WAPL: variants seen among roughly 807,000 people sequenced by gnomAD.
WAPL encodes the protein WAPL cohesin release factor.
WAPL carries 5 observed loss-of-function variants against 121.0 expected under a neutral mutation model. That is an observed-to-expected ratio of 0.04 (90% CI 0.02 to 0.09). The LOEUF is 0.09. Among genes scored for constraint, WAPL ranks in the 10% least tolerant of loss-of-function variants. The pLI, the probability that WAPL is intolerant of heterozygous loss-of-function variation, is 1.00. For missense variants in WAPL, 999 were observed against 1,410.8 expected, an observed-to-expected ratio of 0.71 and a Z score of 4.68; for synonymous variants, 480 against 481.5, an observed-to-expected ratio of 1.00 and a Z score of 0.04.
In WAPL at chr10:86,472,737, G is replaced by T. The variant is rs756172650; in HGVS notation, c.1768C>A (p.Gln590Lys). 149 of 1,613,024 alleles carry T rather than the reference G, an allele frequency of 9.2e-5. 1 individual carries two copies. The East Asian group carries it at 3.2e-3, about 34-fold the overall frequency. Residue 590 changes from glutamine (Q) to lysine (K), a missense_variant, in exon 6 of 19, where the codon CAA becomes AAA. Coordinates refer to ENST00000298767, the MANE Select transcript of WAPL (RefSeq NM_015045.5). This position sits in a 1 kb window ranked among gnomAD's most constrained non-coding sequence, Gnocchi z 4.2. ...TVRLSSKEPN[Q>K]KDDGVFKAPA... ...GCCTTAAAAACTCCATCATCTTTTT[G>T]ATTTGGTTCCTTTGAAGACAGCCTC...
intron 3 of WAPL, among the ~76,000 whole-genome samples, chr10:86,499,303 G>A (rs984957705): frequency 4.6e-5 from 7 of 152,106 alleles, no homozygotes. Flanking sequence ...AATATAACAA[G>A]CTAAACTTGA....
rs1246369692 is a variant in WAPL at position 86,490,998 on chromosome 10, G to A, written c.1644+6203C>T. On this transcript the variant is annotated intron_variant, in intron 4 of 18. Coordinates refer to ENST00000298767, the MANE Select transcript of WAPL (RefSeq NM_015045.5). ...GAAGCACTTGAACCCAGGAGGCGGA[G>A]GTTGCAGTGAGCCGAGATCATGCCA... 2.0e-5 allele frequency among the ~76,000 whole-genome samples: 3 copies of A among 151,682 alleles called. No individual in the cohort carries two copies. In the East Asian group the frequency reaches 5.9e-4, roughly 30 times the overall value.
chr10:86,516,864 C>A (rs1842564584), intron 2 of WAPL, among the ~76,000 whole-genome samples: 1 of 152,072 alleles, frequency 6.6e-6, no homozygotes, highest in Non-Finnish European at 1.5e-5. Context: ...GCGGGCAGAT[C>A]ACGAGGTCAG....
At chr10:86,508,332 T>C in intron 2 of WAPL, among the ~76,000 whole-genome samples, 1 of 152,158 alleles carries the variant, frequency 6.6e-6, no homozygotes, top group Non-Finnish European at 1.5e-5. Flanking sequence ...GTCCTCCCAC[T>C]AAGCTCATCT....
At chr10:86,507,693 T>A (rs894456735) in intron 2 of WAPL, among the ~76,000 whole-genome samples, 2 of 151,646 alleles carry the variant, frequency 1.3e-5, no homozygotes, top group African/African-American at 4.9e-5. Context: ...CTTCACTTCA[T>A]AAACATTAAA....
At chr10:86,454,529 C>T (rs939315735) in intron 12 of WAPL, among the ~76,000 whole-genome samples, 4 of 152,238 alleles carry the variant, frequency 2.6e-5, no homozygotes, top group African/African-American at 7.2e-5. Context: ...AGGCGGGCGC[C>T]GCCACACCTG....
At chr10:86,475,172 A>G (rs1484035199) in intron 4 of WAPL, among the ~76,000 whole-genome samples, 1 of 152,252 alleles carries the variant, frequency 6.6e-6, no homozygotes, top group Non-Finnish European at 1.5e-5. Flanking sequence ...AACCTACAAA[A>G]TCAAATCAAG....
chr10:86,435,798 G>C lies in WAPL; in HGVS notation c.*1745C>G, dbSNP rs1849306188. ...TTCCTTACCATCTGCCACAAGTCAGGTTCACCAAAAATCTGTCCCTTTCCC... is the reference window on the plus strand; with the variant it reads ...TTCCTTACCATCTGCCACAAGTCAGCTTCACCAAAAATCTGTCCCTTTCCC... On this transcript the variant is annotated 3_prime_UTR_variant, in exon 19 of 19. Transcript: ENST00000298767. The C allele has an allele frequency of 6.6e-6, 1 of 152,146 alleles. No individual in the cohort carries two copies. The highest frequency in any genetic ancestry group is 2.4e-5 in the African/African-American group (1 of 41,386). 9.4% of individuals were successfully genotyped at this position (152,146 alleles called of 1,614,324 possible).
chr10:86,477,982 G>C lies in WAPL; in HGVS notation c.1645-4009C>G, dbSNP rs531165385. ...AGGCAGGAGAATTGCTTGAACCCGG[G>C]AGGCGGAGGTTGCAGTGAACTGAGA... On this transcript the variant is annotated intron_variant, in intron 4 of 18. Transcript: ENST00000298767. Among the ~76,000 whole-genome samples the C allele has an allele frequency of 5.3e-5, 8 of 151,500 alleles. No homozygotes were observed. The East Asian group carries it at 1.6e-3, about 30-fold the overall frequency.
rs1308401796 is a variant in WAPL at position 86,521,593 on chromosome 10, C to T, written c.-251G>A. The T allele has an allele frequency of 2.2e-6, 1 of 452,574 alleles. No homozygotes were observed. The highest frequency in any genetic ancestry group is 2.4e-5 in the Admixed American group (1 of 40,840). The allele number at this position is 452,574 out of a possible 1,614,324, so 28.0% of individuals were successfully genotyped here. On this transcript the variant is annotated 5_prime_UTR_variant, in exon 1 of 19. It removes the in-frame stop codon of an upstream open reading frame in the 5' UTR. Coordinates refer to ENST00000298767, the MANE Select transcript of WAPL (RefSeq NM_015045.5). ...CGAGCGCCGCCGGCCGGGCCCAGGCCTAGCTCTCGCTGGCCGCCACTGCTG... is the reference window on the plus strand; with the variant it reads ...CGAGCGCCGCCGGCCGGGCCCAGGCTTAGCTCTCGCTGGCCGCCACTGCTG...
intron 1 of WAPL, among the ~76,000 whole-genome samples, chr10:86,520,379 A>G (rs897889674): frequency 6.6e-6 from 1 of 152,246 alleles, no homozygotes; most frequent in Non-Finnish European, 1.5e-5. Flanking sequence ...CTGATGAAAT[A>G]ACGTCAGCGA....
intron 16 of WAPL, among the ~76,000 whole-genome samples, chr10:86,445,409 A>G (rs761144525): frequency 6.6e-6 from 1 of 152,364 alleles, no homozygotes; most frequent in Middle Eastern, 3.4e-3. Flanking sequence ...CCTTAGTGAT[A>G]CAAAGTTACA....
chr10:86,515,738 C>T (rs774261583), intron 2 of WAPL, among the ~76,000 whole-genome samples: 5 of 151,756 alleles, frequency 3.3e-5, no homozygotes, highest in African/African-American at 2.4e-5. Flanking sequence ...GGCAAGACTG[C>T]GCCACTGTAC....
intron 4 of WAPL, among the ~76,000 whole-genome samples, chr10:86,493,069 A>G (rs1384254769): frequency 1.3e-5 from 2 of 152,060 alleles, no homozygotes; most frequent in African/African-American, 4.8e-5. Context: ...TCAAAAAAAA[A>G]AAAAAAATTC....
chr10:86,517,942 T>C lies in WAPL; in HGVS notation c.128A>G (p.Lys43Arg). The change falls in exon 2 of 19, where the codon AAA (lysine) becomes AGA (arginine). Residue 43 changes from lysine to arginine, a missense_variant. Lys to Arg is a conservative substitution (Grantham distance 26). Transcript: ENST00000298767. ...TKWGETTFMAKLGQKRPNFKP... is the reference protein window; with the variant it reads ...TKWGETTFMARLGQKRPNFKP... ...GAAATTGGGCCTCTTCTGCCCTAAT[T>C]TAGCCATAAATGTGGTCTCTCCCCA... The C allele has an allele frequency of 6.2e-7, 1 of 1,614,212 alleles. No homozygotes were observed. Among genetic ancestry groups the C allele is most frequent in the African/African-American group, 1.3e-5 (1 of 75,068 alleles).
intron 2 of WAPL, 128 bp downstream of exon 2, chr10:86,517,443 C>T: frequency 1.5e-6 from 2 of 1,315,980 alleles, no homozygotes; most frequent in Non-Finnish European, 2.0e-6. Context: ...TTTTACAAAA[C>T]TATCAATGGT....
At chr10:86,476,613 C>T (rs1004714450) in intron 4 of WAPL, among the ~76,000 whole-genome samples, 13 of 150,824 alleles carry the variant, frequency 8.6e-5, no homozygotes, top group South Asian at 2.1e-4. Context: ...CAGTTGAACC[C>T]GGGAGGTGGA....
intron 12 of WAPL, among the ~76,000 whole-genome samples, chr10:86,455,861 A>G (rs1414110011): frequency 6.6e-6 from 1 of 152,178 alleles, no homozygotes; most frequent in Non-Finnish European, 1.5e-5. Flanking sequence ...AATGGAAAAG[A>G]AGGCGATATT....
chr10:86,499,674 G>C (rs899511895), intron 3 of WAPL, 44 bp downstream of exon 3: 3 of 1,518,016 alleles, frequency 2.0e-6, no homozygotes, highest in Non-Finnish European at 2.6e-6. Context: ...CTGCAGGTAA[G>C]GGGGAACTAT....
Sources: gnomAD v4.1 joint callset for allele counts (sites outside exome capture counted in the v4.1 genomes callset) on GRCh38, gnomAD v4.1.1 for gene constraint, Gnocchi (gnomAD v3.1) non-coding constraint, MANE v1.5 for transcripts, NCBI Gene and HGNC (gene_info 2026-07-23, HGNC 2026-07-21) for gene names.